PALS2: variants seen among roughly 807,000 people sequenced by gnomAD.
PALS2 encodes protein PALS2.
Under a neutral mutation model 61.6 loss-of-function variants are expected in PALS2, and 27 were observed. The observed-to-expected ratio is 0.44, with a 90% CI of 0.32 to 0.60. The LOEUF (loss-of-function observed/expected upper bound fraction) is 0.60. PALS2 is among the 20% of genes least tolerant of loss of function. The pLI is 0.05. For synonymous variants in PALS2, 236 were observed against 218.6 expected, an observed-to-expected ratio of 1.08 and a Z score of -0.70; for missense variants, 554 against 639.4, an observed-to-expected ratio of 0.87 and a Z score of 1.44.
At chr7:24,607,588 C>CACGTGT (rs1264194313) in intron 1 of PALS2, among the ~76,000 whole-genome samples, 3 of 81,262 alleles carry the variant, frequency 3.7e-5, no homozygotes, top group African/African-American at 1.6e-4. Flanking sequence ...TGTATATATA[C>CACGTGT]ATATATGTGT....
intron 1 of PALS2, among the ~76,000 whole-genome samples, chr7:24,619,060 A>T (rs1032664485): frequency 2.0e-5 from 3 of 152,096 alleles, no homozygotes; most frequent in African/African-American, 7.2e-5. Flanking sequence ...ATCTCTTTTG[A>T]TTGGATGACT....
chr7:24,682,588 G>GA (rs1449128420), intron 11 of PALS2, among the ~76,000 whole-genome samples: 5 of 152,128 alleles, frequency 3.3e-5, no homozygotes, highest in African/African-American at 1.2e-4. Context: ...GTCTTTCTAT[G>GA]ATCTGTTTTT....
chr7:24,653,613 A>T (rs936145244), intron 5 of PALS2, among the ~76,000 whole-genome samples: 10 of 152,306 alleles, frequency 6.6e-5, no homozygotes, highest in South Asian at 4.1e-4. Context: ...GATTTCAAGC[A>T]CAATTGTGCA....
intron 2 of PALS2, among the ~76,000 whole-genome samples, chr7:24,640,177 TA>T (rs1450809833): frequency 3.3e-5 from 5 of 152,130 alleles, no homozygotes; most frequent in South Asian, 2.1e-4. Flanking sequence ...GGTCTTTTGA[TA>T]TTTTTCTTTT....
chr7:24,584,642 G>A (rs767944257), intron 1 of PALS2, among the ~76,000 whole-genome samples: 1 of 151,660 alleles, frequency 6.6e-6, no homozygotes, highest in Non-Finnish European at 1.5e-5. Flanking sequence ...AGTTTATTTT[G>A]CTGTGCAGAA....
intron 9 of PALS2, among the ~76,000 whole-genome samples, chr7:24,669,007 A>C: frequency 6.6e-6 from 1 of 152,192 alleles, no homozygotes; most frequent in African/African-American, 2.4e-5. Flanking sequence ...CAGCCATTTT[A>C]GTGTAAAGAA....
chr7:24,658,820 G>T (rs932507793), intron 5 of PALS2, among the ~76,000 whole-genome samples: 8 of 152,132 alleles, frequency 5.3e-5, no homozygotes, highest in East Asian at 1.9e-4. Flanking sequence ...CTCCCAAAGT[G>T]CTGGGATTGC....
At chr7:24,576,309 A>G (rs998818741) in intron 1 of PALS2, among the ~76,000 whole-genome samples, 11 of 152,150 alleles carry the variant, frequency 7.2e-5, no homozygotes, top group Non-Finnish European at 1.0e-4. Flanking sequence ...AGAAGCTGCA[A>G]TGATTTTCCT....
chr7:24,618,608 C>T lies in PALS2; in HGVS notation c.-2-5058C>T, dbSNP rs1255642525. Among the ~76,000 whole-genome samples, 1 of 152,226 alleles carries T rather than the reference C, an allele frequency of 6.6e-6. No homozygotes were observed. Among genetic ancestry groups the T allele is most frequent in the Non-Finnish European group, 1.5e-5 (1 of 68,040 alleles). ...GGGCTTGCAAGGACTGTGGATTCTC[C>T]TGTAGTAAGGATTGCATGTGTTTGC... is the stretch of plus-strand genomic sequence containing the variant. On this transcript the variant is annotated intron_variant, in intron 1 of 11. Coordinates refer to ENST00000222644, the MANE Select transcript of PALS2 (RefSeq NM_001303037.2). The surrounding 1 kb of genome is among the most constrained non-coding windows in gnomAD (Gnocchi z 5.1).
intron 1 of PALS2, among the ~76,000 whole-genome samples, chr7:24,614,320 G>A (rs77294717): frequency 4.0e-5 from 6 of 151,378 alleles, no homozygotes; most frequent in Non-Finnish European, 5.9e-5. Context: ...TGTTGTTTGT[G>A]TATAGATATA....
chr7:24,652,602 A>T (rs1048655141), intron 5 of PALS2, among the ~76,000 whole-genome samples: 11 of 151,304 alleles, frequency 7.3e-5, no homozygotes, highest in African/African-American at 2.4e-4. Context: ...TTTTTTTTTT[A>T]AATGAAAAGG....
intron 1 of PALS2, among the ~76,000 whole-genome samples, chr7:24,593,306 T>C (rs1336616518): frequency 1.3e-5 from 2 of 152,140 alleles, no homozygotes; most frequent in Non-Finnish European, 2.9e-5. Context: ...CTGCAGTGAC[T>C]TACCCACTGA....
chr7:24,602,683 C>T (rs371904522), intron 1 of PALS2, among the ~76,000 whole-genome samples: 1 of 152,144 alleles, frequency 6.6e-6, no homozygotes, highest in African/African-American at 2.4e-5. Context: ...TTATCTTACT[C>T]TCTCCAGAAA....
At chr7:24,654,547 A>G (rs78106232) in intron 5 of PALS2, among the ~76,000 whole-genome samples, 10,501 of 152,256 alleles carry the variant, frequency 0.069, 442 homozygotes, top group African/African-American at 0.11. Context: ...ATTTATGTCT[A>G]GGAATAAATT....
At chr7:24,595,488 T>A (rs1284583900) in intron 1 of PALS2, among the ~76,000 whole-genome samples, 4 of 127,206 alleles carry the variant, frequency 3.1e-5, no homozygotes, top group African/African-American at 1.3e-4. Flanking sequence ...TAAATATATA[T>A]TATATATTTT....
At chr7:24,588,764 A>G (rs933280902) in intron 1 of PALS2, among the ~76,000 whole-genome samples, 38 of 152,354 alleles carry the variant, frequency 2.5e-4, no homozygotes, top group Admixed American at 1.4e-3. Flanking sequence ...AGAATGAAAC[A>G]AGGTTTGCAA....
intron 2 of PALS2, among the ~76,000 whole-genome samples, chr7:24,635,366 A>G (rs1432315661): frequency 6.6e-6 from 1 of 152,176 alleles, no homozygotes; most frequent in Admixed American, 6.5e-5. Flanking sequence ...TTGCTAGTGT[A>G]TAGAAATATA....
chr7:24,687,504 G>T lies in PALS2; in HGVS notation c.1513G>T (p.Asp505Tyr). ...TCAGAGAGCATACAACCACTATTTT[G>T]ATTTGATCATCATAAATGATAATCT... ...RIQRAYNHYF[D>Y]LIIINDNLDK... Residue 505 changes from aspartate to tyrosine, a missense_variant, in exon 12 of 12, where the codon GAT becomes TAT. Transcript: ENST00000222644. This position sits in a 1 kb window ranked among gnomAD's most constrained non-coding sequence, Gnocchi z 4.5. The T allele has an allele frequency of 6.2e-7, 1 of 1,612,926 alleles. No homozygotes were observed.
At chr7:24,619,839 T>C (rs1373223903) in intron 1 of PALS2, among the ~76,000 whole-genome samples, 1 of 152,102 alleles carries the variant, frequency 6.6e-6, no homozygotes, top group East Asian at 1.9e-4. Flanking sequence ...TGTAGGTAAC[T>C]TACTTTTTGA....
Sources: gnomAD v4.1 joint callset for allele counts (sites outside exome capture counted in the v4.1 genomes callset) on GRCh38, gnomAD v4.1.1 for gene constraint, Gnocchi (gnomAD v3.1) non-coding constraint, MANE v1.5 for transcripts, NCBI Gene and HGNC (gene_info 2026-07-23, HGNC 2026-07-21) for gene names.